The following FOXP2 variants were observed in gnomAD, a reference collection of about 807,000 sequenced individuals.
FOXP2 encodes forkhead box protein P2.
A neutral mutation model predicts 115.8 loss-of-function variants in FOXP2; 12 were observed. The ratio of observed to expected loss-of-function variants is 0.10; its 90% CI spans 0.07 to 0.17. The LOEUF (loss-of-function observed/expected upper bound fraction) is 0.17, where lower values mean the gene tolerates loss of function less well. FOXP2 is among the 10% of genes least tolerant of loss of function. FOXP2 has a pLI of 1.00. For synonymous variants in FOXP2, 328 were observed against 297.7 expected, an observed-to-expected ratio of 1.10 and a Z score of -1.05; for missense variants, 629 against 843.5, an observed-to-expected ratio of 0.75 and a Z score of 3.15.
chr7:114,566,814 A>G (rs1279101347), intron 3 of FOXP2, among the ~76,000 whole-genome samples: 1 of 152,054 alleles, frequency 6.6e-6, no homozygotes, highest in Non-Finnish European at 1.5e-5. Context: ...ACCTCAAGAA[A>G]CAAGTTATAT....
rs567469017 is a variant in FOXP2, at chr7:114,692,197, G to A, written c.*2271G>A. 5.3e-5 allele frequency: 24 copies of A among 453,928 alleles called. No individual in the cohort carries two copies. Among genetic ancestry groups the A allele is most frequent in the South Asian group, 3.4e-4 (22 of 64,470 alleles). 28.1% of individuals were successfully genotyped at this position (453,928 alleles called of 1,614,324 possible). ...CATGTTCAAAAGGCTTTGAGGGACT[G>A]GAAGTAACTGCGAGAGTTGTACCAT... On this transcript the variant is annotated 3_prime_UTR_variant, in exon 17 of 17. Coordinates refer to ENST00000350908, the MANE Select transcript of FOXP2 (RefSeq NM_014491.4).
chr7:114,648,859 C>T (rs1413071915), intron 8 of FOXP2, among the ~76,000 whole-genome samples: 2 of 151,992 alleles, frequency 1.3e-5, no homozygotes, highest in Non-Finnish European at 2.9e-5. Flanking sequence ...TCAGTGCTGC[C>T]TTTCTGAAGG....
intron 3 of FOXP2, among the ~76,000 whole-genome samples, chr7:114,557,446 G>A (rs1244700613): frequency 6.6e-6 from 1 of 152,110 alleles, no homozygotes; most frequent in Non-Finnish European, 1.5e-5. Context: ...TGCTCTGAAT[G>A]CTCTAAATAG....
intron 1 of FOXP2, among the ~76,000 whole-genome samples, chr7:114,102,732 A>ACACACACACACACACACACACACACC (rs757957770): frequency 1.4e-5 from 2 of 146,200 alleles, no homozygotes; most frequent in African/African-American, 5.0e-5. Context: ...ACACACACAC[A>ACACACACACACACACACACACACACC]CCCCAATGGT....
At chr7:114,490,180 A>T (rs1584799634) in intron 2 of FOXP2, among the ~76,000 whole-genome samples, 2 of 152,180 alleles carry the variant, frequency 1.3e-5, no homozygotes, top group East Asian at 3.9e-4. Flanking sequence ...GATGTCTTTC[A>T]ATAGATAAAT....
At chr7:114,623,811 G>A (rs186149207) in intron 3 of FOXP2, among the ~76,000 whole-genome samples, 1 of 151,862 alleles carries the variant, frequency 6.6e-6, no homozygotes, top group East Asian at 1.9e-4. Context: ...ATGATTAAAG[G>A]GAATCTCTGT....
Position 114,240,616 on chromosome 7 carries a change from A to G in FOXP2, c.-101-47403A>G, listed in dbSNP as rs117256038. On this transcript the variant is annotated intron_variant, in intron 1 of 17. Coordinates refer to the FOXP2 transcript ENST00000634411. ...GTTTCAATCATTTGTTATTCTATTT[A>G]AATTAGAGAAGAAAATTACTTAATG... Among the ~76,000 whole-genome samples, 120 of 152,116 alleles carry G rather than the reference A, an allele frequency of 7.9e-4. 1 individual carries two copies. The East Asian group carries it at 0.023, about 29-fold the overall frequency.
intron 2 of FOXP2, among the ~76,000 whole-genome samples, chr7:114,386,344 A>T (rs570085063): frequency 3.6e-4 from 55 of 152,338 alleles, no homozygotes; most frequent in Admixed American, 2.0e-3. Context: ...TAAGCTTTTT[A>T]AAAAAATTTT....
At chr7:114,567,606 A>G (rs765569807) in intron 3 of FOXP2, among the ~76,000 whole-genome samples, 68 of 152,274 alleles carry the variant, frequency 4.5e-4, no homozygotes, top group South Asian at 1.2e-3. Flanking sequence ...TGCTTATTAG[A>G]AACAGATGCA....
chr7:114,135,979 C>A (rs1447794712), intron 1 of FOXP2, among the ~76,000 whole-genome samples: 1 of 151,952 alleles, frequency 6.6e-6, no homozygotes, highest in East Asian at 1.9e-4. Context: ...CTTGTATACA[C>A]CTAATGTTCC....
chr7:114,339,333 T>C (rs1266795095), intron 2 of FOXP2, among the ~76,000 whole-genome samples: 1 of 151,292 alleles, frequency 6.6e-6, no homozygotes, highest in Non-Finnish European at 1.5e-5. Flanking sequence ...GTAGTAAGAA[T>C]GATTTAAATG....
At chr7:114,644,070 G>A (rs1225841299) in intron 7 of FOXP2, among the ~76,000 whole-genome samples, 1 of 152,112 alleles carries the variant, frequency 6.6e-6, no homozygotes, top group African/African-American at 2.4e-5. Flanking sequence ...TTTTAATTGA[G>A]ATTAATTTGA....
intron 1 of FOXP2, among the ~76,000 whole-genome samples, chr7:114,095,131 A>T (rs796736488): frequency 1.3e-5 from 2 of 152,226 alleles, no homozygotes. Context: ...ATGGTTTACT[A>T]TAAAGAGTAA....
chr7:114,635,169 G>A (rs966721298), intron 6 of FOXP2, among the ~76,000 whole-genome samples: 4 of 152,264 alleles, frequency 2.6e-5, no homozygotes, highest in African/African-American at 4.8e-5. Context: ...GAATTGTGCC[G>A]AAGATAGTCT....
intron 2 of FOXP2, among the ~76,000 whole-genome samples, chr7:114,496,122 T>A (rs189647823): frequency 5.3e-5 from 8 of 152,280 alleles, no homozygotes; most frequent in African/African-American, 1.2e-4. Context: ...ACTTATTTAC[T>A]TTTTAGAAAA....
chr7:114,449,398 T>C (rs1287082461), intron 2 of FOXP2, among the ~76,000 whole-genome samples: 1 of 152,150 alleles, frequency 6.6e-6, no homozygotes, highest in Non-Finnish European at 1.5e-5. Context: ...TTCACAATTA[T>C]ATTTAAATGT....
chr7:114,168,895 G>A (rs998354806), intron 1 of FOXP2, among the ~76,000 whole-genome samples: 3 of 152,180 alleles, frequency 2.0e-5, no homozygotes, highest in African/African-American at 4.8e-5. Context: ...AGCTGAAAGG[G>A]ACAAATGTAG....
At chr7:114,685,364 G>A (rs907728134) in intron 16 of FOXP2, among the ~76,000 whole-genome samples, 3 of 152,002 alleles carry the variant, frequency 2.0e-5, no homozygotes, top group East Asian at 1.9e-4. Flanking sequence ...TTGTCATGCA[G>A]GATAACAAAT....
At chr7:114,390,200 TG>T (rs2129194080) in intron 2 of FOXP2, among the ~76,000 whole-genome samples, 1 of 152,224 alleles carries the variant, frequency 6.6e-6, no homozygotes, top group Non-Finnish European at 1.5e-5. Flanking sequence ...ATATAACTAC[TG>T]GGGATAAAGG....
Sources: gnomAD v4.1 joint callset for allele counts (sites outside exome capture counted in the v4.1 genomes callset) on GRCh38, gnomAD v4.1.1 for gene constraint, MANE v1.5 for transcripts, NCBI Gene and HGNC (gene_info 2026-07-23, HGNC 2026-07-21) for gene names.